Variants in AEBP2 observed in about 807,000 individuals in gnomAD.
AEBP2 encodes zinc finger protein AEBP2.
AEBP2 carries 10 observed loss-of-function variants against 50.8 expected under a neutral mutation model. The observed-to-expected ratio is 0.20, with a 90% CI of 0.12 to 0.33. AEBP2 has a LOEUF of 0.33. AEBP2 is among the 10% of genes least tolerant of loss of function. The probability of loss-of-function intolerance (pLI) is 1.00; values close to 1 mark genes in which losing one functional copy is unlikely to be tolerated. For missense variants in AEBP2, 570 were observed against 688.0 expected (o/e 0.83, Z 1.92); for synonymous variants, 296 against 261.3 (o/e 1.13, Z -1.28).
intron 1 of AEBP2, among the ~76,000 whole-genome samples, chr12:19,447,501 C>G (rs1033321447): frequency 2.0e-5 from 3 of 152,082 alleles, no homozygotes; most frequent in African/African-American, 7.2e-5. Flanking sequence ...TTAATTTGAA[C>G]AATAGTTTGC....
chr12:19,420,123 A>G (rs2095744844), intron 1 of AEBP2, among the ~76,000 whole-genome samples: 1 of 147,802 alleles, frequency 6.8e-6, no homozygotes, highest in Non-Finnish European at 1.5e-5. Context: ...TCCCAGGTTC[A>G]AGGGATTCTC....
chr12:19,458,215 C>T (rs1390261415), intron 1 of AEBP2, among the ~76,000 whole-genome samples: 3 of 152,206 alleles, frequency 2.0e-5, no homozygotes, highest in South Asian at 4.1e-4. Context: ...TCTACTGTTG[C>T]ATCAGGTCTG....
intron 1 of AEBP2, among the ~76,000 whole-genome samples, chr12:19,454,217 G>A (rs1948224569): frequency 6.6e-6 from 1 of 152,106 alleles, no homozygotes; most frequent in Non-Finnish European, 1.5e-5. Flanking sequence ...TTAGGAACAG[G>A]GATTAGTAGT....
At chr12:19,504,149 C>T (rs1408857228) in intron 5 of AEBP2, among the ~76,000 whole-genome samples, 1 of 151,418 alleles carries the variant, frequency 6.6e-6, no homozygotes, top group Non-Finnish European at 1.5e-5. Context: ...ACTGCATAAC[C>T]AATGTTGTCC....
chr12:19,405,358 G>A (rs2095735657), intron 1 of AEBP2, among the ~76,000 whole-genome samples: 1 of 148,700 alleles, frequency 6.7e-6, no homozygotes, highest in Non-Finnish European at 1.5e-5. Context: ...ACGGAGTCTC[G>A]CTCTGTCGCC....
intron 1 of AEBP2, among the ~76,000 whole-genome samples, chr12:19,445,360 T>C (rs1346261060): frequency 6.9e-6 from 1 of 145,900 alleles, no homozygotes; most frequent in Non-Finnish European, 1.5e-5. Flanking sequence ...CACCGTGCCC[T>C]GCTCGTTTTC....
intron 3 of AEBP2, among the ~76,000 whole-genome samples, chr12:19,489,104 A>G (rs1948858776): frequency 6.6e-6 from 1 of 152,164 alleles, no homozygotes; most frequent in African/African-American, 2.4e-5. Context: ...ACATTAATAT[A>G]TAGGGTATTT....
intron 1 of AEBP2, chr12:19,440,733 C>A (rs1947941365): frequency 2.0e-6 from 3 of 1,533,440 alleles, no homozygotes; most frequent in East Asian, 4.9e-5. Context: ...TCAAGGTTAG[C>A]TTCTTCCAAC....
At chr12:19,428,936 C>T (rs1592709114) in intron 1 of AEBP2, among the ~76,000 whole-genome samples, 5 of 151,992 alleles carry the variant, frequency 3.3e-5, no homozygotes, top group Admixed American at 2.6e-4. Flanking sequence ...CCCAGGAGTT[C>T]GAGCCCAGCC....
At chr12:19,474,464 T>C (rs566469292) in intron 3 of AEBP2, among the ~76,000 whole-genome samples, 2 of 152,320 alleles carry the variant, frequency 1.3e-5, no homozygotes, top group South Asian at 4.1e-4. Context: ...CTAAGAATTA[T>C]TTGTCTCTCT....
At chr12:19,453,204 C>T (rs1401710541) in intron 1 of AEBP2, among the ~76,000 whole-genome samples, 2 of 151,888 alleles carry the variant, frequency 1.3e-5, no homozygotes, top group Admixed American at 6.6e-5. Context: ...CTCCTGACCT[C>T]GTGATCCACC....
intron 2 of AEBP2, among the ~76,000 whole-genome samples, chr12:19,464,013 G>C (rs1177821085): frequency 6.6e-6 from 1 of 152,184 alleles, no homozygotes; most frequent in Non-Finnish European, 1.5e-5. Flanking sequence ...ATATTATAAT[G>C]TGTCAGCAGT....
upstream of AEBP2, among the ~76,000 whole-genome samples, chr12:19,435,951 C>T (rs955416205): frequency 1.3e-5 from 2 of 152,122 alleles, no homozygotes; most frequent in African/African-American, 4.8e-5. Context: ...ACCACAGCGA[C>T]TCGCATCGTG....
intron 2 of AEBP2, among the ~76,000 whole-genome samples, chr12:19,465,074 A>G (rs1317427608): frequency 6.6e-6 from 1 of 152,124 alleles, no homozygotes; most frequent in Non-Finnish European, 1.5e-5. Flanking sequence ...GATTACCAAT[A>G]ATAAGATTCT....
chr12:19,415,473 G>C (rs991676235), intron 1 of AEBP2, among the ~76,000 whole-genome samples: 1 of 148,118 alleles, frequency 6.8e-6, no homozygotes, highest in African/African-American at 2.5e-5. Flanking sequence ...CTTGATCATA[G>C]CAACACTTTG....
intron 1 of AEBP2, among the ~76,000 whole-genome samples, chr12:19,431,940 A>C (rs2095751641): frequency 6.6e-6 from 1 of 152,204 alleles, no homozygotes; most frequent in Non-Finnish European, 1.5e-5. Flanking sequence ...TGCCAATTTT[A>C]GAGAATTTTT....
At chr12:19,473,732 G>A (rs1455922482) in intron 3 of AEBP2, among the ~76,000 whole-genome samples, 1 of 152,124 alleles carries the variant, frequency 6.6e-6, no homozygotes, top group Non-Finnish European at 1.5e-5. Context: ...GTTAGCTTAA[G>A]CTGACATGTT....
At chr12:19,425,231 A>C (rs907171782) in intron 1 of AEBP2, among the ~76,000 whole-genome samples, 1 of 152,190 alleles carries the variant, frequency 6.6e-6, no homozygotes, top group Non-Finnish European at 1.5e-5. Context: ...AAAGGAAGTC[A>C]AGCTAGCATT....
At chr12:19,468,363 T>A (rs1252037888) in intron 2 of AEBP2, among the ~76,000 whole-genome samples, 2 of 152,130 alleles carry the variant, frequency 1.3e-5, no homozygotes, top group African/African-American at 4.8e-5. Context: ...CAAGATCATT[T>A]ACTCAGTATA....
Sources: allele counts gnomAD v4.1 joint callset (sites outside exome capture counted in the v4.1 genomes callset), GRCh38; gene constraint gnomAD v4.1.1; transcripts MANE v1.5; gene names NCBI Gene and HGNC (gene_info 2026-07-23, HGNC 2026-07-21).